FBN1: variants seen among roughly 807,000 people sequenced by gnomAD.
FBN1 encodes the protein fibrillin-1.
In FBN1, 29 loss-of-function variants were observed where a neutral mutation model predicts 365.1. The observed-to-expected ratio is 0.08, with a 90% confidence interval of 0.06 to 0.11. The LOEUF is 0.11. Among genes scored for constraint, FBN1 ranks in the 10% least tolerant of loss-of-function variants. FBN1 has a pLI of 1.00. For synonymous variants in FBN1, 1,210 were observed against 1,270.5 expected (o/e 0.95, Z 1.01); for missense variants, 2,476 against 3,703.2 (o/e 0.67, Z 8.60).
chr15:48,499,301 T>C (rs1305774630), intron 17 of FBN1, among the ~76,000 whole-genome samples: 3 of 152,250 alleles, frequency 2.0e-5, no homozygotes, highest in Non-Finnish European at 2.9e-5. Context: ...AAGGTGTTTT[T>C]CCTATAACTT....
intron 53 of FBN1, among the ~76,000 whole-genome samples, chr15:48,435,902 T>G (rs1383016735): frequency 6.6e-6 from 1 of 151,468 alleles, no homozygotes; most frequent in Non-Finnish European, 1.5e-5. Flanking sequence ...AGGAAAGAAA[T>G]AATTTTGAGA....
intron 6 of FBN1, among the ~76,000 whole-genome samples, chr15:48,562,682 C>T (rs2044231887): frequency 6.6e-6 from 1 of 152,176 alleles, no homozygotes; most frequent in Non-Finnish European, 1.5e-5. Context: ...CACTCAAACA[C>T]CAGCATGCCA....
chr15:48,537,598 A>C lies in FBN1; in HGVS notation c.736+13T>G, dbSNP rs755918301. 6.2e-7 allele frequency: 1 copy of C among 1,614,076 alleles called. No individual in the cohort carries two copies. The highest frequency in any genetic ancestry group is 1.1e-5 in the South Asian group (1 of 91,076). On this transcript the variant is annotated intron_variant, in intron 7 of 65. Coordinates refer to ENST00000316623, the MANE Select transcript of FBN1 (RefSeq NM_000138.5). Reference sequence around the variant, plus strand: ...AGATTAATCCATTAATAATTCCATCAGCCCGGGTTTACCTTGACAAGCTCC... The same window carrying C: ...AGATTAATCCATTAATAATTCCATCCGCCCGGGTTTACCTTGACAAGCTCC...
intron 2 of FBN1, among the ~76,000 whole-genome samples, chr15:48,615,567 ATGT>A (rs1191105278): frequency 3.9e-5 from 6 of 152,340 alleles, no homozygotes; most frequent in African/African-American, 1.4e-4. Context: ...GAAAATGTAA[ATGT>A]TGTAAACCTT....
At chr15:48,487,930 C>T (rs1221951579) in intron 27 of FBN1, among the ~76,000 whole-genome samples, 183 bp downstream of exon 27, 1 of 152,190 alleles carries the variant, frequency 6.6e-6, no homozygotes, top group Non-Finnish European at 1.5e-5. Context: ...TCCGCCATCA[C>T]CCACAAACCC....
At chr15:48,461,156 C>T (rs149299590) in intron 42 of FBN1, among the ~76,000 whole-genome samples, 17 of 152,294 alleles carry the variant, frequency 1.1e-4, no homozygotes, top group African/African-American at 3.4e-4. Context: ...TGAGTGTTCA[C>T]TTCCAACACT....
chr15:48,482,550 A>G (rs989921048), intron 31 of FBN1, among the ~76,000 whole-genome samples: 2 of 152,180 alleles, frequency 1.3e-5, no homozygotes, highest in African/African-American at 4.8e-5. Context: ...TGGCATAAGG[A>G]GGAGGTACCA....
At position 48,445,366 on chromosome 15, in the gene FBN1, C is replaced by T; in HGVS notation, c.5917+10G>A. On this transcript the variant is annotated intron_variant, in intron 48 of 65. Coordinates refer to ENST00000316623, the MANE Select transcript of FBN1 (RefSeq NM_000138.5). ...CATTCTTTCCAGGTCTTTCTAAGTC[C>T]TGTACTTACCCACACAGGTCCTCCC... is the stretch of plus-strand genomic sequence containing the variant. 1 of 1,612,188 alleles carries T rather than the reference C, an allele frequency of 6.2e-7. No homozygotes were observed.
intron 65 of FBN1, among the ~76,000 whole-genome samples, chr15:48,412,184 T>G (rs1201019265): frequency 6.6e-6 from 1 of 152,214 alleles, no homozygotes; most frequent in African/African-American, 2.4e-5. Context: ...CATGGCTCTT[T>G]TCAGTAGAGG....
chr15:48,625,796 C>G (rs564174233), intron 2 of FBN1, among the ~76,000 whole-genome samples: 1 of 152,268 alleles, frequency 6.6e-6, no homozygotes, highest in African/African-American at 2.4e-5. Context: ...CAAAATTATT[C>G]AAGAATTTCA....
At chr15:48,469,990 A>G (rs891813515) in intron 36 of FBN1, among the ~76,000 whole-genome samples, 7 of 152,122 alleles carry the variant, frequency 4.6e-5, no homozygotes, top group South Asian at 2.1e-4. Flanking sequence ...CATACAGAAC[A>G]TAAGTTGTTT....
chr15:48,522,429 A>C (rs2043867005), intron 9 of FBN1, among the ~76,000 whole-genome samples: 1 of 152,168 alleles, frequency 6.6e-6, no homozygotes, highest in Non-Finnish European at 1.5e-5. Flanking sequence ...AGTCCATGGA[A>C]AAATTGTCTT....
intron 15 of FBN1, among the ~76,000 whole-genome samples, chr15:48,505,614 T>A (rs559360767): frequency 1.3e-5 from 2 of 152,294 alleles, no homozygotes; most frequent in South Asian, 4.1e-4. Context: ...CTGGGAAAAT[T>A]CGCCTAAAAT....
At chr15:48,441,405 A>T (rs558723973) in intron 50 of FBN1, among the ~76,000 whole-genome samples, 2 of 152,170 alleles carry the variant, frequency 1.3e-5, no homozygotes, top group South Asian at 4.2e-4. Context: ...ATGTAGCTCA[A>T]CTTCCCCCAG....
At chr15:48,491,897 T>TA (rs1409851560) in intron 24 of FBN1, among the ~76,000 whole-genome samples, 8 of 152,304 alleles carry the variant, frequency 5.3e-5, no homozygotes, top group African/African-American at 1.9e-4. Context: ...ACTTAGGACT[T>TA]AGAGTTCTAA....
intron 53 of FBN1, among the ~76,000 whole-genome samples, chr15:48,435,144 T>C (rs1264519038): frequency 6.6e-6 from 1 of 152,170 alleles, no homozygotes; most frequent in Non-Finnish European, 1.5e-5. Context: ...AAAGGGAGTG[T>C]GCATGTCTTA....
intron 32 of FBN1, among the ~76,000 whole-genome samples, chr15:48,476,125 A>G (rs1195679256): frequency 6.6e-6 from 1 of 152,240 alleles, no homozygotes; most frequent in Non-Finnish European, 1.5e-5. Context: ...CAATTCAGGG[A>G]TAACAGTGCT....
chr15:48,562,688 T>C (rs2044231924), intron 6 of FBN1, among the ~76,000 whole-genome samples: 2 of 152,230 alleles, frequency 1.3e-5, no homozygotes, highest in Admixed American at 1.3e-4. Context: ...AACACCAGCA[T>C]GCCAACTTGC....
chr15:48,565,730 T>C (rs1175767222), intron 6 of FBN1, among the ~76,000 whole-genome samples: 1 of 152,068 alleles, frequency 6.6e-6, no homozygotes, highest in Admixed American at 6.6e-5. Flanking sequence ...AGGGAAACCA[T>C]TACTCAACAG....
Sources: gnomAD v4.1 joint callset for allele counts (sites outside exome capture counted in the v4.1 genomes callset) on GRCh38, gnomAD v4.1.1 for gene constraint, MANE v1.5 for transcripts, NCBI Gene and HGNC (gene_info 2026-07-23, HGNC 2026-07-21) for gene names.